The following SNTG1 variants were observed in gnomAD, a reference collection of about 807,000 sequenced individuals.
The protein encoded by SNTG1 is syntrophin gamma 1.
In SNTG1, 39 loss-of-function variants were observed where a neutral mutation model predicts 74.7. The observed-to-expected ratio is 0.52, with a 90% CI of 0.40 to 0.68. The LOEUF is 0.68. Among genes scored for constraint, SNTG1 ranks in the 30% least tolerant of loss-of-function variants. The pLI is 0.00. For missense variants in SNTG1, 685 were observed against 609.5 expected, an observed-to-expected ratio of 1.12 and a Z score of -1.30; for synonymous variants, 254 against 217.1, an observed-to-expected ratio of 1.17 and a Z score of -1.49.
At chr8:50,445,515 T>C (rs920726711) in intron 5 of SNTG1, among the ~76,000 whole-genome samples, 4 of 152,294 alleles carry the variant, frequency 2.6e-5, no homozygotes, top group Admixed American at 2.6e-4. Context: ...GTAAAACCGT[T>C]GTGTAGAGTC....
Position 50,467,098 on chromosome 8 carries a change from T to C in SNTG1, c.363+16369T>C, listed in dbSNP as rs574495797. ...ATATTTTATTCACAATCATTGTAGC[T>C]ATATTCATGAGAAATATTGCTCTTA... On this transcript the variant is annotated intron_variant, in intron 8 of 18. Transcript: ENST00000642720. 2.0e-4 allele frequency among the ~76,000 whole-genome samples: 30 copies of C among 152,090 alleles called. No homozygotes were observed. The South Asian group carries it at 6.2e-3, about 31-fold the overall frequency.
At chr8:50,015,568 G>A (rs539706579) in intron 1 of SNTG1, among the ~76,000 whole-genome samples, 3 of 152,158 alleles carry the variant, frequency 2.0e-5, no homozygotes, top group African/African-American at 2.4e-5. Context: ...AGTAGAATAA[G>A]CTCAAAGAGA....
chr8:50,076,266 G>A (rs1821876971), intron 1 of SNTG1, among the ~76,000 whole-genome samples: 1 of 151,988 alleles, frequency 6.6e-6, no homozygotes, highest in Non-Finnish European at 1.5e-5. Flanking sequence ...GGCAAGGATT[G>A]TTCTTTAGGT....
At chr8:50,726,093 T>A (rs1424656786) in intron 17 of SNTG1, among the ~76,000 whole-genome samples, 1 of 152,188 alleles carries the variant, frequency 6.6e-6, no homozygotes, top group Non-Finnish European at 1.5e-5. Context: ...TATGTGTGTG[T>A]ACAAATATAA....
At chr8:50,646,893 G>A (rs2131207637) in intron 13 of SNTG1, among the ~76,000 whole-genome samples, 1 of 152,032 alleles carries the variant, frequency 6.6e-6, no homozygotes, top group East Asian at 1.9e-4. Flanking sequence ...AAACAGAATG[G>A]AAAGCCAAGA....
chr8:50,690,667 A>G (rs1585543474), intron 15 of SNTG1, among the ~76,000 whole-genome samples: 1 of 152,202 alleles, frequency 6.6e-6, no homozygotes, highest in African/African-American at 2.4e-5. Flanking sequence ...TTTACTTCCA[A>G]CTATGTGGTC....
At chr8:50,605,051 C>A (rs539341149) in intron 13 of SNTG1, among the ~76,000 whole-genome samples, 1 of 152,262 alleles carries the variant, frequency 6.6e-6, no homozygotes, top group East Asian at 1.9e-4. Context: ...GAGCTAGAGC[C>A]TGGAATGTGG....
At chr8:50,316,004 A>C (rs78277177) in intron 2 of SNTG1, among the ~76,000 whole-genome samples, 111 of 152,294 alleles carry the variant, frequency 7.3e-4, no homozygotes, top group Non-Finnish European at 1.2e-3. Flanking sequence ...TTCATATCAC[A>C]TTTCAGTTGC....
At chr8:50,148,633 G>A (rs2081956539) in intron 1 of SNTG1, among the ~76,000 whole-genome samples, 2 of 152,232 alleles carry the variant, frequency 1.3e-5, no homozygotes, top group South Asian at 4.1e-4. Context: ...TCCCACCTAT[G>A]AGTGAGAACA....
In SNTG1 at chr8:50,454,703, G is replaced by A. The variant is rs557146390; in HGVS notation, c.363+3974G>A. Among the ~76,000 whole-genome samples the A allele has an allele frequency of 3.3e-3, 500 of 151,844 alleles. 2 individuals carry two copies. The highest frequency in any genetic ancestry group is 5.3e-3 in the Non-Finnish European group (359 of 67,944). ...CTAAAAATACAAAAATTAGTCAGGC[G>A]TGGTGGCGCACGCCTGTAATCCCAG... On this transcript the variant is annotated intron_variant, in intron 8 of 18. Coordinates refer to ENST00000642720, the MANE Select transcript of SNTG1 (RefSeq NM_018967.5).
intron 17 of SNTG1, among the ~76,000 whole-genome samples, chr8:50,712,566 C>T (rs2095464609): frequency 6.6e-6 from 1 of 152,012 alleles, no homozygotes; most frequent in Admixed American, 6.6e-5. Context: ...TATATATGTG[C>T]CATGGTGGTT....
chr8:50,511,833 G>A lies in SNTG1; in HGVS notation c.466+8953G>A, dbSNP rs548961142. Among the ~76,000 whole-genome samples, 17 of 152,226 alleles carry A rather than the reference G, an allele frequency of 1.1e-4. No homozygotes were observed. The East Asian group carries it at 3.3e-3, about 29-fold the overall frequency. ...TCTCTGCACGTGAGGTGGGTTTCCT[G>A]AATACAGCACACTGATGGGTCTTGA... On this transcript the variant is annotated intron_variant, in intron 9 of 18. Coordinates refer to ENST00000642720, the MANE Select transcript of SNTG1 (RefSeq NM_018967.5).
chr8:50,343,937 G>A (rs2091394505), intron 2 of SNTG1, among the ~76,000 whole-genome samples: 1 of 151,246 alleles, frequency 6.6e-6, no homozygotes. Flanking sequence ...AGACAATTTA[G>A]GAATAAGATG....
intron 13 of SNTG1, among the ~76,000 whole-genome samples, chr8:50,651,940 G>C (rs1248927798): frequency 3.3e-5 from 5 of 151,572 alleles, no homozygotes; most frequent in South Asian, 2.1e-4. Flanking sequence ...AGTAGAGATG[G>C]GGTTTCTCCA....
chr8:50,463,678 G>C (rs2093586252), intron 8 of SNTG1, among the ~76,000 whole-genome samples: 1 of 152,092 alleles, frequency 6.6e-6, no homozygotes, highest in Non-Finnish European at 1.5e-5. Context: ...AGGTAGAGTA[G>C]AATTAGTTTA....
At chr8:50,709,373 ATGT>A (rs2095455152) in intron 17 of SNTG1, among the ~76,000 whole-genome samples, 2 of 150,682 alleles carry the variant, frequency 1.3e-5, no homozygotes, top group African/African-American at 5.0e-5. Context: ...GAAAGAAAAC[ATGT>A]TGTTTTTTTA....
intron 2 of SNTG1, among the ~76,000 whole-genome samples, chr8:50,305,524 A>ATGTG (rs5891361): frequency 0.015 from 2,175 of 146,040 alleles, 17 homozygotes; most frequent in Non-Finnish European, 0.018. Flanking sequence ...GTTTGTGCTT[A>ATGTG]TGTGTGTGTG....
chr8:50,316,009 A>G (rs2090304926), intron 2 of SNTG1, among the ~76,000 whole-genome samples: 1 of 152,192 alleles, frequency 6.6e-6, no homozygotes, highest in South Asian at 2.1e-4. Flanking sequence ...ATCACATTTC[A>G]GTTGCTTTTC....
chr8:50,781,939 G>T (rs60480582), intron 18 of SNTG1, among the ~76,000 whole-genome samples: 17,236 of 152,068 alleles, frequency 0.11, 2,914 homozygotes, highest in African/African-American at 0.37. Context: ...GTCTGTAAAG[G>T]ATTTTATTTC....
Sources: gnomAD v4.1 joint callset for allele counts (sites outside exome capture counted in the v4.1 genomes callset) on GRCh38, gnomAD v4.1.1 for gene constraint, MANE v1.5 for transcripts, NCBI Gene and HGNC (gene_info 2026-07-23, HGNC 2026-07-21) for gene names.